FRAS1: variants seen among roughly 807,000 people sequenced by gnomAD.
The protein encoded by FRAS1 is Fraser extracellular matrix complex subunit 1.
In FRAS1, 290 loss-of-function variants were observed where a neutral mutation model predicts 435.2. The ratio of observed to expected loss-of-function variants is 0.67; its 90% CI spans 0.61 to 0.73. FRAS1 has a LOEUF of 0.73. FRAS1 is among the 30% of genes least tolerant of loss of function. The pLI is 0.00. For synonymous variants in FRAS1, 1,800 were observed against 1,851.0 expected, an observed-to-expected ratio of 0.97 and a Z score of 0.71; for missense variants, 4,860 against 5,001.5, an observed-to-expected ratio of 0.97 and a Z score of 0.85.
chr4:78,202,724 C>T (rs1272259041), intron 2 of FRAS1, among the ~76,000 whole-genome samples: 1 of 152,156 alleles, frequency 6.6e-6, no homozygotes, highest in Non-Finnish European at 1.5e-5. Context: ...CTGGATCCAC[C>T]TCTGGGATTC....
chr4:78,433,678 G>GT (rs564206297), intron 38 of FRAS1, among the ~76,000 whole-genome samples: 1 of 151,968 alleles, frequency 6.6e-6, no homozygotes, highest in Non-Finnish European at 1.5e-5. Context: ...CTTTGATTTT[G>GT]TTTTTTGTTT....
chr4:78,253,585 C>T (rs878881220), intron 5 of FRAS1, among the ~76,000 whole-genome samples: 1 of 152,162 alleles, frequency 6.6e-6, no homozygotes, highest in Non-Finnish European at 1.5e-5. Context: ...CATGGCGACA[C>T]CCCAACTCTT....
intron 60 of FRAS1, among the ~76,000 whole-genome samples, chr4:78,498,244 TC>T (rs1368768232): frequency 6.6e-6 from 1 of 152,212 alleles, no homozygotes; most frequent in African/African-American, 2.4e-5. Flanking sequence ...GTGCAGTGGC[TC>T]ATGCCTGTAA....
chr4:78,265,063 G>T lies in FRAS1; in HGVS notation c.642G>T (p.Pro214=), dbSNP rs532528605. 3 of 1,612,864 alleles carry T rather than the reference G, an allele frequency of 1.9e-6. No individual in the cohort carries two copies. Among genetic ancestry groups the T allele is most frequent in the East Asian group, 2.2e-5 (1 of 44,878 alleles). ...TCCGAGTCCCTGGAAAATGTTGCCC[G>T]CAGTGCTCTGCAAGATCCTGCTCTG... ...TVVRVPGKCC[P]QCSARSCSAA... Residue 214 remains proline, a synonymous_variant, in exon 7 of 74, where the codon CCG becomes CCT. Transcript: ENST00000512123.
At chr4:78,245,824 A>T (rs1428509722) in intron 4 of FRAS1, among the ~76,000 whole-genome samples, 1 of 152,176 alleles carries the variant, frequency 6.6e-6, no homozygotes, top group Non-Finnish European at 1.5e-5. Flanking sequence ...TTTTCAACTT[A>T]GCAGCCTTGG....
intron 2 of FRAS1, among the ~76,000 whole-genome samples, chr4:78,136,539 G>A (rs1188745406): frequency 6.6e-6 from 1 of 152,118 alleles, no homozygotes; most frequent in Non-Finnish European, 1.5e-5. Flanking sequence ...CTGATAATAA[G>A]GAAAATAGGA....
intron 2 of FRAS1, among the ~76,000 whole-genome samples, chr4:78,106,019 C>T (rs796117691): frequency 7.5e-6 from 1 of 133,396 alleles, no homozygotes; most frequent in Non-Finnish European, 1.6e-5. Context: ...CACTCCCACC[C>T]GAATATTGCG....
At chr4:78,397,143 C>T (rs1208963716) in intron 29 of FRAS1, among the ~76,000 whole-genome samples, 1 of 152,122 alleles carries the variant, frequency 6.6e-6, no homozygotes, top group Non-Finnish European at 1.5e-5. Context: ...ACTGTGTTTG[C>T]ATTTGAAAAA....
chr4:78,188,625 T>C (rs1010560654), intron 2 of FRAS1, among the ~76,000 whole-genome samples: 1 of 152,214 alleles, frequency 6.6e-6, no homozygotes, highest in African/African-American at 2.4e-5. Flanking sequence ...TCTATAAAAT[T>C]ACCTTCACAG....
At chr4:78,184,026 C>T (rs1217594846) in intron 2 of FRAS1, among the ~76,000 whole-genome samples, 4 of 152,092 alleles carry the variant, frequency 2.6e-5, no homozygotes, top group African/African-American at 7.2e-5. Flanking sequence ...CAGAAATGTA[C>T]ACTGTAAGCC....
chr4:78,274,926 C>G (rs899400823), intron 9 of FRAS1, among the ~76,000 whole-genome samples: 2 of 152,034 alleles, frequency 1.3e-5, no homozygotes, highest in Non-Finnish European at 2.9e-5. Context: ...TTAAAGTCTC[C>G]CATTATTATT....
chr4:78,518,418 T>TTGTG (rs1054917840), intron 66 of FRAS1, among the ~76,000 whole-genome samples: 16 of 83,828 alleles, frequency 1.9e-4, no homozygotes, highest in Middle Eastern at 4.3e-3. Context: ...AGTTTTTTTG[T>TTGTG]TGTGTATATA....
intron 25 of FRAS1, among the ~76,000 whole-genome samples, chr4:78,375,236 G>T (rs1462159079): frequency 6.6e-6 from 1 of 152,154 alleles, no homozygotes; most frequent in East Asian, 1.9e-4. Flanking sequence ...ATACAATGGT[G>T]GTAGTAGAAA....
chr4:78,407,737 A>G lies in FRAS1; in HGVS notation c.4204A>G (p.Thr1402Ala). The G allele has an allele frequency of 1.2e-6, 2 of 1,613,690 alleles. No homozygotes were observed. The highest frequency in any genetic ancestry group is 1.7e-6 in the Non-Finnish European group (2 of 1,179,796). ...AGGGCAGCACCTGCCTGATGGGAGG[A>G]CAGCTACCCCCACCAGCACCTTCAC... ...DEGQHLPDGRTATPTSTFTQQ... is the reference protein window; with the variant it reads ...DEGQHLPDGRAATPTSTFTQQ... The change falls in exon 31 of 74, where the codon ACA (threonine) becomes GCA (alanine). Residue 1402 changes from threonine to alanine, a missense_variant. Coordinates refer to ENST00000512123, the MANE Select transcript of FRAS1 (RefSeq NM_025074.7).
chr4:78,171,866 G>A (rs1476449356), intron 2 of FRAS1, among the ~76,000 whole-genome samples: 4 of 151,884 alleles, frequency 2.6e-5, no homozygotes, highest in East Asian at 1.9e-4. Flanking sequence ...TCGTTGACCC[G>A]GCCCTTAAGA....
Position 78,419,928 on chromosome 4 carries a change from G to A in FRAS1, c.4540+865G>A, listed in dbSNP as rs181882808. On this transcript the variant is annotated intron_variant, in intron 33 of 73. Coordinates refer to ENST00000512123, the MANE Select transcript of FRAS1 (RefSeq NM_025074.7). ...TCACTCACTCACTATCACCAGGACA[G>A]CACCCAGGGGGATGGTGTTAAACCA... Among the ~76,000 whole-genome samples the A allele has an allele frequency of 2.1e-4, 32 of 152,246 alleles. 1 individual carries two copies. The highest frequency in any genetic ancestry group is 7.2e-4 in the African/African-American group (30 of 41,534).
rs1338996679 is a variant in FRAS1 at position 78,448,311 on chromosome 4, C to T, written c.6269C>T (p.Ser2090Leu). The T allele has an allele frequency of 1.2e-6, 2 of 1,602,866 alleles. No individual in the cohort carries two copies. Among genetic ancestry groups the T allele is most frequent in the East Asian group, 2.2e-5 (1 of 44,674 alleles). Residue 2090 changes from serine to leucine, a missense_variant, in exon 44 of 74, where the codon TCA becomes TTA. Ser to Leu is a moderately radical substitution (Grantham distance 145). Transcript: ENST00000512123. ...HLAINQGLQL[S>L]AGSVARITEQ... The stretch of plus-strand genomic sequence containing the variant: ...GCTATAAACCAAGGCCTACAGCTCT[C>T]AGCAGGTACCACAGAAATAAAGGAG...
chr4:78,326,753 G>A (rs1199523463), intron 18 of FRAS1, among the ~76,000 whole-genome samples: 1 of 152,132 alleles, frequency 6.6e-6, no homozygotes, highest in Non-Finnish European at 1.5e-5. Context: ...GGTGGAACTG[G>A]GGGAAGCTTC....
intron 2 of FRAS1, among the ~76,000 whole-genome samples, chr4:78,112,122 A>G (rs1742758946): frequency 6.6e-6 from 1 of 152,172 alleles, no homozygotes; most frequent in African/African-American, 2.4e-5. Context: ...CATATCATGA[A>G]TCTAAATTTT....
Sources: allele counts gnomAD v4.1 joint callset (sites outside exome capture counted in the v4.1 genomes callset), GRCh38; gene constraint gnomAD v4.1.1; transcripts MANE v1.5; gene names NCBI Gene and HGNC (gene_info 2026-07-23, HGNC 2026-07-21).